Variants in DUSP16 observed in about 807,000 individuals in gnomAD.
DUSP16 encodes the protein dual specificity phosphatase 16.
DUSP16 carries 21 observed loss-of-function variants against 58.3 expected under a neutral mutation model. The ratio of observed to expected loss-of-function variants is 0.36; its 90% CI spans 0.26 to 0.52. The LOEUF is 0.52. Among genes scored for constraint, DUSP16 ranks in the 20% least tolerant of loss-of-function variants. The pLI, the probability that DUSP16 is intolerant of heterozygous loss-of-function variation, is 0.94. For synonymous variants in DUSP16, 320 were observed against 323.8 expected (o/e 0.99, Z 0.12); for missense variants, 726 against 819.0 (o/e 0.89, Z 1.39).
chr12:12,507,501 G>A (rs1249478118), intron 3 of DUSP16, among the ~76,000 whole-genome samples: 1 of 152,160 alleles, frequency 6.6e-6, no homozygotes, highest in Non-Finnish European at 1.5e-5. Flanking sequence ...TCTACTTTAT[G>A]GAAGACATTT....
Position 12,562,739 on chromosome 12 carries a change from G to A in DUSP16, c.-988C>T, listed in dbSNP as rs1172969865. Among the ~76,000 whole-genome samples, 3 of 151,318 alleles carry A rather than the reference G, an allele frequency of 2.0e-5. No homozygotes were observed. The highest frequency in any genetic ancestry group is 4.4e-5 in the Non-Finnish European group (3 of 67,694). On this transcript the variant is annotated 5_prime_UTR_variant, in exon 1 of 7. Transcript: ENST00000298573. ...GAGACAGGCGAGGGCAGGGCGGTGG[G>A]CGCCGGGCGGGGCCGCGCGCTCGCC...
chr12:12,545,619 A>G (rs1944630861), intron 1 of DUSP16, among the ~76,000 whole-genome samples: 1 of 152,064 alleles, frequency 6.6e-6, no homozygotes, highest in Admixed American at 6.6e-5. Flanking sequence ...TTTAACTTAC[A>G]TAAAGTAAAA....
At chr12:12,542,388 G>GAA (rs56822339) in intron 1 of DUSP16, among the ~76,000 whole-genome samples, 33 of 109,664 alleles carry the variant, frequency 3.0e-4, no homozygotes, top group Middle Eastern at 5.1e-3. Context: ...AAAGAAAAGA[G>GAA]AAAAAAAAAA....
intron 5 of DUSP16, among the ~76,000 whole-genome samples, chr12:12,484,803 G>A (rs1450445868): frequency 6.6e-6 from 1 of 151,660 alleles, no homozygotes. Flanking sequence ...TATATTTTTA[G>A]TAGAGACGTG....
At chr12:12,483,338 G>C (rs909743315) in intron 5 of DUSP16, among the ~76,000 whole-genome samples, 4 of 151,912 alleles carry the variant, frequency 2.6e-5, no homozygotes, top group African/African-American at 9.7e-5. Flanking sequence ...ACTTTACAAG[G>C]TGTTCAATGG....
intron 4 of DUSP16, among the ~76,000 whole-genome samples, chr12:12,493,267 CCT>C (rs1288300951): frequency 3.3e-5 from 5 of 152,222 alleles, no homozygotes; most frequent in African/African-American, 7.2e-5. Context: ...CTCCTTGACA[CCT>C]CTCTTTTTCA....
rs1179430794 is a variant in DUSP16, at chr12:12,477,109, T to C, written c.1722A>G (p.Gly574=). The change falls in exon 7 of 7, where the codon GGA becomes GGG. Residue 574 remains glycine (G), a synonymous_variant. Transcript: ENST00000298573. This position sits in a 1 kb window ranked among gnomAD's most constrained non-coding sequence, Gnocchi z 4.1. ...SHFYSASAIY[G]GSASYSAYSC... ...TGTAGGCAGAGTAACTGGCACTGCC[T>C]CCGTAGATGGCTGAGGCAGAGTAGA... 1.2e-6 allele frequency: 2 copies of C among 1,614,218 alleles called. No homozygotes were observed. The highest frequency in any genetic ancestry group is 1.7e-6 in the Non-Finnish European group (2 of 1,180,038).
intron 3 of DUSP16, among the ~76,000 whole-genome samples, chr12:12,501,138 CAACT>C (rs1943903437): frequency 6.6e-6 from 1 of 152,222 alleles, no homozygotes; most frequent in Non-Finnish European, 1.5e-5. Flanking sequence ...ATTCTTTCTA[CAACT>C]AACTTTAAAT....
chr12:12,547,775 TG>T (rs1386801019), intron 1 of DUSP16, among the ~76,000 whole-genome samples: 1 of 152,182 alleles, frequency 6.6e-6, no homozygotes, highest in Non-Finnish European at 1.5e-5. Flanking sequence ...TTCTAGCTAT[TG>T]GCTGGCAACA....
At chr12:12,532,170 AAAAAC>A (rs1399197661) in intron 1 of DUSP16, among the ~76,000 whole-genome samples, 1 of 152,146 alleles carries the variant, frequency 6.6e-6, no homozygotes, top group Non-Finnish European at 1.5e-5. Flanking sequence ...GTCTCAAAAA[AAAAAC>A]AAAACAAAGT....
At chr12:12,556,623 T>C (rs1200367164) in intron 1 of DUSP16, among the ~76,000 whole-genome samples, 1 of 151,558 alleles carries the variant, frequency 6.6e-6, no homozygotes. Flanking sequence ...GAAGGGCACA[T>C]ATTTCTTAAA....
chr12:12,510,203 C>T (rs2136222401), intron 3 of DUSP16, among the ~76,000 whole-genome samples: 1 of 152,098 alleles, frequency 6.6e-6, no homozygotes, highest in South Asian at 2.1e-4. Context: ...ATGATTATAC[C>T]CCAGATGAGG....
At chr12:12,515,415 C>A (rs1410364088) in intron 3 of DUSP16, among the ~76,000 whole-genome samples, 3 of 151,662 alleles carry the variant, frequency 2.0e-5, no homozygotes, top group Admixed American at 2.0e-4. Context: ...GCAACCTCTA[C>A]CTCCTGGATT....
intron 4 of DUSP16, among the ~76,000 whole-genome samples, chr12:12,494,432 A>T (rs984658386): frequency 2.0e-5 from 3 of 152,212 alleles, no homozygotes; most frequent in African/African-American, 7.2e-5. Flanking sequence ...TCACTGAGGG[A>T]TGAATAGTCT....
intron 1 of DUSP16, among the ~76,000 whole-genome samples, chr12:12,551,838 G>C (rs185923615): frequency 6.6e-6 from 1 of 151,882 alleles, no homozygotes; most frequent in Non-Finnish European, 1.5e-5. Context: ...GACTACAGGC[G>C]TGCACTGCCA....
chr12:12,514,394 G>A (rs1379479255), intron 3 of DUSP16, among the ~76,000 whole-genome samples: 1 of 152,178 alleles, frequency 6.6e-6, no homozygotes, highest in Admixed American at 6.5e-5. Context: ...CAGATACAGA[G>A]CCTGTGCTCA....
chr12:12,497,006 A>G (rs1943836450), intron 4 of DUSP16, among the ~76,000 whole-genome samples: 1 of 152,212 alleles, frequency 6.6e-6, no homozygotes, highest in African/African-American at 2.4e-5. Context: ...CAAGCCACAC[A>G]TGGCTACTGA....
chr12:12,541,882 A>T (rs1181122822), intron 1 of DUSP16, among the ~76,000 whole-genome samples: 1 of 151,972 alleles, frequency 6.6e-6, no homozygotes, highest in Non-Finnish European at 1.5e-5. Flanking sequence ...TTCACAGCAG[A>T]TTTATAAACA....
At chr12:12,522,791 T>G (rs887361754) in intron 1 of DUSP16, among the ~76,000 whole-genome samples, 21 of 152,148 alleles carry the variant, frequency 1.4e-4, no homozygotes, top group African/African-American at 4.8e-4. Context: ...CTCAAACTCC[T>G]GGGCTCAAGC....
Sources: gnomAD v4.1 joint callset for allele counts (sites outside exome capture counted in the v4.1 genomes callset) on GRCh38, gnomAD v4.1.1 for gene constraint, Gnocchi (gnomAD v3.1) non-coding constraint, MANE v1.5 for transcripts, NCBI Gene and HGNC (gene_info 2026-07-23, HGNC 2026-07-21) for gene names.